The following GRM1 variants were observed in gnomAD, a reference collection of about 807,000 sequenced individuals.
GRM1 encodes the protein glutamate metabotropic receptor 1.
A neutral mutation model predicts 90.9 loss-of-function variants in GRM1; 33 were observed. That is an observed-to-expected ratio of 0.36 (90% CI 0.28 to 0.49). GRM1 has a LOEUF of 0.49. Ranked by LOEUF, GRM1 falls within the 20% of genes least tolerant of loss-of-function variation. The probability of loss-of-function intolerance (pLI) is 0.99; values close to 1 mark genes in which losing one functional copy is unlikely to be tolerated. For synonymous variants in GRM1, 700 were observed against 613.2 expected, an observed-to-expected ratio of 1.14 and a Z score of -2.09; for missense variants, 1,190 against 1,534.3, an observed-to-expected ratio of 0.78 and a Z score of 3.75.
Position 146,262,638 on chromosome 6 carries a change from T to A in GRM1, c.951-41973T>A, listed in dbSNP as rs150696635. ...ATATATTATATTTTCTCTGTGTATG[T>A]GTATGTATATGCATACCTATATACA... On this transcript the variant is annotated intron_variant, in intron 2 of 7. Coordinates refer to ENST00000282753, the MANE Select transcript of GRM1 (RefSeq NM_001278064.2). Among the ~76,000 whole-genome samples, 91 of 152,078 alleles carry A rather than the reference T, an allele frequency of 6.0e-4. 2 individuals are homozygous for A. In the East Asian group the frequency reaches 0.015, roughly 25 times the overall value.
intron 1 of GRM1, among the ~76,000 whole-genome samples, chr6:146,131,530 A>G (rs1042035227): frequency 2.6e-5 from 4 of 151,388 alleles, no homozygotes; most frequent in African/African-American, 9.7e-5. Context: ...AATAAAATGC[A>G]GAAAATACAC....
At chr6:146,320,998 T>C (rs1784166443) in intron 3 of GRM1, among the ~76,000 whole-genome samples, 1 of 152,172 alleles carries the variant, frequency 6.6e-6, no homozygotes, top group Non-Finnish European at 1.5e-5. Flanking sequence ...CTTAGTTATT[T>C]CTTGTCTTCA....
rs1776057098 is a variant in GRM1, at chr6:146,123,049, T to C, written c.701-36299T>C. ...TAGTAGAGATGGGGTTTCACCATGCTGGCCAAGCTGGTCTCCAACTCCTGA... is the reference window on the plus strand; with the variant it reads ...TAGTAGAGATGGGGTTTCACCATGCCGGCCAAGCTGGTCTCCAACTCCTGA... On this transcript the variant is annotated intron_variant, in intron 1 of 7. Coordinates refer to ENST00000282753, the MANE Select transcript of GRM1 (RefSeq NM_001278064.2). 2.0e-5 allele frequency among the ~76,000 whole-genome samples: 3 copies of C among 151,980 alleles called. No homozygotes were observed. In the South Asian group the frequency reaches 6.2e-4, roughly 32 times the overall value.
chr6:146,239,108 G>A (rs780403402), intron 2 of GRM1, among the ~76,000 whole-genome samples: 2 of 152,064 alleles, frequency 1.3e-5, no homozygotes, highest in African/African-American at 2.4e-5. Context: ...TCACCATTGT[G>A]GCTGTTATTA....
At chr6:146,084,591 G>A (rs549019196) in intron 1 of GRM1, among the ~76,000 whole-genome samples, 1 of 152,186 alleles carries the variant, frequency 6.6e-6, no homozygotes, top group African/African-American at 2.4e-5. Context: ...ATTGCCCTGT[G>A]GTCTGAGGGA....
intron 5 of GRM1, among the ~76,000 whole-genome samples, chr6:146,380,882 G>A (rs570007638): frequency 6.6e-6 from 1 of 152,242 alleles, no homozygotes; most frequent in East Asian, 1.9e-4. Flanking sequence ...CAACAGGTTC[G>A]CTTCTGGCCC....
intron 1 of GRM1, among the ~76,000 whole-genome samples, chr6:146,052,591 C>T (rs911912224): frequency 2.0e-5 from 3 of 152,020 alleles, no homozygotes; most frequent in African/African-American, 7.2e-5. Context: ...CATGGGTCTC[C>T]TTGCCATCCT....
chr6:146,280,763 C>T (rs1271460945), intron 2 of GRM1, among the ~76,000 whole-genome samples: 1 of 151,040 alleles, frequency 6.6e-6, no homozygotes, highest in African/African-American at 2.5e-5. Flanking sequence ...GGACTAATGA[C>T]ACTAACACCA....
At chr6:146,181,068 T>C (rs1289248403) in intron 2 of GRM1, among the ~76,000 whole-genome samples, 1 of 152,080 alleles carries the variant, frequency 6.6e-6, no homozygotes, top group Non-Finnish European at 1.5e-5. Flanking sequence ...GATGACACTA[T>C]TTTCACTGCC....
At chr6:146,266,428 C>T (rs1781889811) in intron 2 of GRM1, among the ~76,000 whole-genome samples, 1 of 152,066 alleles carries the variant, frequency 6.6e-6, no homozygotes, top group African/African-American at 2.4e-5. Context: ...CTCAATCTCC[C>T]AGGAACCCTT....
At chr6:146,375,775 T>C (rs893793396) in intron 5 of GRM1, among the ~76,000 whole-genome samples, 3 of 152,120 alleles carry the variant, frequency 2.0e-5, no homozygotes, top group Non-Finnish European at 4.4e-5. Flanking sequence ...AGTCTAACCA[T>C]GTCTTTATAG....
chr6:146,414,656 C>A (rs1432059115), intron 7 of GRM1, among the ~76,000 whole-genome samples: 11 of 152,336 alleles, frequency 7.2e-5, no homozygotes, highest in African/African-American at 2.6e-4. Context: ...CCCGCCTCGG[C>A]CTCCCGAAGT....
chr6:146,304,522 C>G (rs1161460481), intron 2 of GRM1, 89 bp from the exon 3 acceptor site: 1 of 930,172 alleles, frequency 1.1e-6, no homozygotes, highest in African/African-American at 1.6e-5. Flanking sequence ...GTAGCCTTTT[C>G]TGGATTGCTT....
intron 1 of GRM1, among the ~76,000 whole-genome samples, chr6:146,140,279 T>C (rs1270973200): frequency 6.6e-6 from 1 of 151,648 alleles, no homozygotes; most frequent in Admixed American, 6.6e-5. Flanking sequence ...ATGATTATTA[T>C]TATTTTTTGA....
chr6:146,075,110 G>A (rs1776140304), intron 1 of GRM1, among the ~76,000 whole-genome samples: 1 of 152,034 alleles, frequency 6.6e-6, no homozygotes, highest in Non-Finnish European at 1.5e-5. Context: ...GTTGCTTCCT[G>A]ATAGTGTTCC....
intron 2 of GRM1, among the ~76,000 whole-genome samples, chr6:146,294,915 T>C (rs1783123863): frequency 6.6e-6 from 1 of 152,216 alleles, no homozygotes; most frequent in Non-Finnish European, 1.5e-5. Flanking sequence ...ATTCAGTACA[T>C]TCATATTTTA....
chr6:146,108,041 T>G (rs931690770), intron 1 of GRM1, among the ~76,000 whole-genome samples: 3 of 152,252 alleles, frequency 2.0e-5, no homozygotes, highest in African/African-American at 7.2e-5. Context: ...TATAAATGTA[T>G]ATAAATATAT....
At chr6:146,404,881 G>A (rs1027962988) in intron 7 of GRM1, among the ~76,000 whole-genome samples, 4 of 152,196 alleles carry the variant, frequency 2.6e-5, no homozygotes, top group African/African-American at 7.2e-5. Context: ...AGTTAATAGA[G>A]TGCCACAGTA....
chr6:146,325,172 T>G (rs942351227), intron 3 of GRM1, among the ~76,000 whole-genome samples: 2 of 152,184 alleles, frequency 1.3e-5, no homozygotes, highest in African/African-American at 4.8e-5. Flanking sequence ...TTTCCACTAG[T>G]GAAGTCTTCT....
Sources: gnomAD v4.1 joint callset for allele counts (sites outside exome capture counted in the v4.1 genomes callset) on GRCh38, gnomAD v4.1.1 for gene constraint, MANE v1.5 for transcripts, NCBI Gene and HGNC (gene_info 2026-07-23, HGNC 2026-07-21) for gene names.